Variants in ZFAT observed in about 807,000 individuals in gnomAD.
ZFAT encodes zinc finger protein ZFAT.
In ZFAT, 64 loss-of-function variants were observed where a neutral mutation model predicts 117.7. That is an observed-to-expected ratio of 0.54 (90% CI 0.44 to 0.67). The LOEUF (loss-of-function observed/expected upper bound fraction) is 0.67. ZFAT is among the 30% of genes least tolerant of loss of function. The pLI is 0.00. For missense variants in ZFAT, 1,433 were observed against 1,584.5 expected (o/e 0.90, Z 1.62); for synonymous variants, 679 against 615.0 (o/e 1.10, Z -1.54).
chr8:134,662,932 C>T (rs1832005602), intron 1 of ZFAT, among the ~76,000 whole-genome samples: 2 of 152,240 alleles, frequency 1.3e-5, no homozygotes, highest in African/African-American at 4.8e-5. Flanking sequence ...GTTTTCGGGA[C>T]CAGCCCTATG....
At chr8:134,545,952 T>C (rs373899989) in intron 11 of ZFAT, among the ~76,000 whole-genome samples, 25 of 152,320 alleles carry the variant, frequency 1.6e-4, no homozygotes, top group African/African-American at 5.3e-4. Context: ...AATGGGTAAA[T>C]AGGCAACAGA....
chr8:134,809,432 T>C, the ZFAT span, among the ~76,000 whole-genome samples: 1 of 152,216 alleles, frequency 6.6e-6, no homozygotes, highest in Non-Finnish European at 1.5e-5. Flanking sequence ...GGTGACCAGT[T>C]TTCCTAAATA....
intron 15 of ZFAT, among the ~76,000 whole-genome samples, chr8:134,487,400 A>G (rs1266780470): frequency 6.6e-6 from 1 of 152,064 alleles, no homozygotes; most frequent in Non-Finnish European, 1.5e-5. Flanking sequence ...TGAGGAAGGC[A>G]GGGTGAGGGG....
chr8:134,784,407 T>A, the ZFAT span: 1 of 152,194 alleles, frequency 6.6e-6, no homozygotes, highest in South Asian at 2.1e-4. Context: ...ATTGGAAATA[T>A]ATAAAATATG....
chr8:134,494,306 C>A (rs1377951551), intron 15 of ZFAT, among the ~76,000 whole-genome samples: 2 of 152,234 alleles, frequency 1.3e-5, no homozygotes, highest in East Asian at 3.8e-4. Flanking sequence ...CACAAAATCA[C>A]CCCCGTGACC....
chr8:134,514,078 G>C (rs943583888), intron 13 of ZFAT, among the ~76,000 whole-genome samples: 5 of 152,234 alleles, frequency 3.3e-5, no homozygotes, highest in Non-Finnish European at 5.9e-5. Context: ...GCTGGTACTC[G>C]TTGCAAGGCA....
At chr8:134,755,229 C>T in the ZFAT span, among the ~76,000 whole-genome samples, 6 of 145,896 alleles carry the variant, frequency 4.1e-5, no homozygotes, top group African/African-American at 2.5e-5. Flanking sequence ...CATGGTGAAA[C>T]CCCGTCTCTA....
chr8:134,820,764 A>G, the ZFAT span, among the ~76,000 whole-genome samples: 1 of 152,318 alleles, frequency 6.6e-6, no homozygotes, highest in Non-Finnish European at 1.5e-5. Context: ...TACAGAAAGA[A>G]CCCTGATAGA....
At chr8:134,808,938 A>G in the ZFAT span, among the ~76,000 whole-genome samples, 5 of 152,210 alleles carry the variant, frequency 3.3e-5, no homozygotes, top group Non-Finnish European at 7.3e-5. Flanking sequence ...ATCAAAATAT[A>G]TCCATACTGT....
intron 2 of ZFAT, among the ~76,000 whole-genome samples, chr8:134,644,091 G>A (rs1026253153): frequency 9.9e-5 from 15 of 152,142 alleles, no homozygotes; most frequent in African/African-American, 2.9e-4. Context: ...ACTTAACCGC[G>A]CAGAGGCACT....
intron 2 of ZFAT, among the ~76,000 whole-genome samples, chr8:134,651,746 T>TAAA (rs1409879541): frequency 2.0e-5 from 3 of 152,174 alleles, no homozygotes; most frequent in African/African-American, 7.2e-5. Context: ...CAGTTTATAT[T>TAAA]CTTCTAAAAT....
rs577166956 is a variant in ZFAT at position 134,600,832 on chromosome 8, A to G, written c.2243-164T>C. On this transcript the variant is annotated intron_variant, in intron 6 of 15. Transcript: ENST00000377838. ...CATTTCTGTCTGAAAATTACTCTTC[A>G]AAGGTGGGAGGTTGCAAATATTAAG... 207 of 637,634 alleles carry G rather than the reference A, an allele frequency of 3.2e-4. 3 individuals are homozygous for G. In the East Asian group the frequency reaches 5.6e-3, roughly 17 times the overall value. The allele number at this position is 637,634 out of a possible 1,614,324, so 39.5% of individuals were successfully genotyped here. A position where few individuals can be genotyped will look rare whatever the true frequency, so the allele number is the denominator to read the frequency against.
At chr8:134,535,727 G>A (rs994466956) in intron 11 of ZFAT, among the ~76,000 whole-genome samples, 13 of 151,846 alleles carry the variant, frequency 8.6e-5, no homozygotes, top group East Asian at 1.9e-4. Context: ...AAAATTTGTC[G>A]GGCTTTCTCA....
intron 2 of ZFAT, among the ~76,000 whole-genome samples, chr8:134,649,060 AC>A (rs1348921665): frequency 1.3e-5 from 2 of 151,998 alleles, no homozygotes; most frequent in Non-Finnish European, 2.9e-5. Context: ...CTCAGAAAAA[AC>A]ATCTGACAAA....
chr8:134,824,955 T>C, the ZFAT span, among the ~76,000 whole-genome samples: 1 of 152,092 alleles, frequency 6.6e-6, no homozygotes, highest in Admixed American at 6.5e-5. Context: ...ATAAGTGTAA[T>C]TTTTTTTCCA....
At chr8:134,685,809 T>C (rs895571567) in intron 1 of ZFAT, among the ~76,000 whole-genome samples, 15 of 152,164 alleles carry the variant, frequency 9.9e-5, no homozygotes, top group African/African-American at 3.6e-4. Context: ...GGCCATAATT[T>C]TAAAAAACAT....
At chr8:134,815,908 TTA>T in the ZFAT span, among the ~76,000 whole-genome samples, 2 of 152,208 alleles carry the variant, frequency 1.3e-5, no homozygotes, top group African/African-American at 4.8e-5. Context: ...CTGAAATTGT[TTA>T]GTTTATTCCT....
At chr8:134,788,885 C>G in the ZFAT span, among the ~76,000 whole-genome samples, 1 of 152,010 alleles carries the variant, frequency 6.6e-6, no homozygotes, top group Non-Finnish European at 1.5e-5. Context: ...CACATTCAAA[C>G]TGTTTTTATT....
intron 11 of ZFAT, among the ~76,000 whole-genome samples, chr8:134,552,630 G>C (rs1433349262): frequency 6.6e-6 from 1 of 152,208 alleles, no homozygotes; most frequent in Non-Finnish European, 1.5e-5. Flanking sequence ...CCTTGTGAAA[G>C]AGCATACTCA....
Sources: allele counts gnomAD v4.1 joint callset (sites outside exome capture counted in the v4.1 genomes callset), GRCh38; gene constraint gnomAD v4.1.1; transcripts MANE v1.5; gene names NCBI Gene and HGNC (gene_info 2026-07-23, HGNC 2026-07-21).